The following TMEM232 variants were observed in gnomAD, a reference collection of about 807,000 sequenced individuals.
The protein encoded by TMEM232 is transmembrane protein 232.
Under a neutral mutation model 78.8 loss-of-function variants are expected in TMEM232, and 80 were observed. The ratio of observed to expected loss-of-function variants is 1.01; its 90% CI spans 0.85 to 1.22. The LOEUF (loss-of-function observed/expected upper bound fraction) is 1.22, where lower values mean the gene tolerates loss of function less well. Among genes scored for constraint, TMEM232 ranks in the 50% most tolerant of loss-of-function variants. TMEM232 has a pLI of 0.00. For synonymous variants in TMEM232, 297 were observed against 254.3 expected, an observed-to-expected ratio of 1.17 and a Z score of -1.60; for missense variants, 881 against 742.2, an observed-to-expected ratio of 1.19 and a Z score of -2.17.
chr5:110,391,225 G>A (rs1230882395), intron 3 of TMEM232, among the ~76,000 whole-genome samples: 1 of 151,462 alleles, frequency 6.6e-6, no homozygotes, highest in Non-Finnish European at 1.5e-5. Context: ...AGATAACTCT[G>A]TCAAACACTG....
intron 12 of TMEM232, among the ~76,000 whole-genome samples, chr5:110,467,319 T>C (rs1762190127): frequency 6.6e-6 from 1 of 152,172 alleles, no homozygotes; most frequent in African/African-American, 2.4e-5. Flanking sequence ...AAATCTAGGC[T>C]TTTCCCAGGT....
At chr5:110,618,011 AT>A (rs1307646734) in intron 8 of TMEM232, 8 of 170,232 alleles carry the variant, frequency 4.7e-5, no homozygotes, top group South Asian at 1.4e-4. Flanking sequence ...ACCAAAAAAA[AT>A]TTTTTTTTAA....
intron 12 of TMEM232, among the ~76,000 whole-genome samples, chr5:110,441,174 C>A (rs73220724): frequency 0.064 from 9,792 of 152,098 alleles, 659 homozygotes; most frequent in East Asian, 0.21. Context: ...TACTGCTTTG[C>A]TGTGGGGGTT....
At chr5:110,526,927 G>A (rs1296409534) in intron 12 of TMEM232, among the ~76,000 whole-genome samples, 1 of 151,806 alleles carries the variant, frequency 6.6e-6, no homozygotes, top group Non-Finnish European at 1.5e-5. Context: ...TATCTGAAAT[G>A]AGGCTAAATG....
chr5:110,531,437 C>G (rs1390336267), intron 11 of TMEM232, among the ~76,000 whole-genome samples: 1 of 152,156 alleles, frequency 6.6e-6, no homozygotes, highest in Non-Finnish European at 1.5e-5. Context: ...GTCCTCATAC[C>G]GACCAGCCCA....
intron 10 of TMEM232, among the ~76,000 whole-genome samples, chr5:110,587,559 T>C (rs7721004): frequency 0.39 from 58,707 of 151,130 alleles, 15,913 homozygotes; most frequent in African/African-American, 0.77. Context: ...CAGCCATACC[T>C]TACTCTTTCC....
chr5:110,603,344 G>A (rs73224387), intron 10 of TMEM232, among the ~76,000 whole-genome samples: 7,688 of 152,112 alleles, frequency 0.051, 684 homozygotes, highest in African/African-American at 0.18. Context: ...GGAAAAAAAT[G>A]TGAGTTTTGT....
At chr5:110,634,794 A>G (rs1452265448) in intron 5 of TMEM232, among the ~76,000 whole-genome samples, 2 of 152,094 alleles carry the variant, frequency 1.3e-5, no homozygotes, top group Non-Finnish European at 2.9e-5. Context: ...GAACTAGTAA[A>G]GCAAGGACAA....
intron 11 of TMEM232, among the ~76,000 whole-genome samples, chr5:110,564,834 C>G (rs1440743528): frequency 6.6e-6 from 1 of 151,976 alleles, no homozygotes; most frequent in East Asian, 1.9e-4. Flanking sequence ...AGAGAAAATA[C>G]CAACCCAATT....
chr5:110,651,030 A>G (rs1307867889), intron 2 of TMEM232, among the ~76,000 whole-genome samples: 1 of 152,158 alleles, frequency 6.6e-6, no homozygotes, highest in Non-Finnish European at 1.5e-5. Flanking sequence ...TCACTTCAAG[A>G]TACAGCTTAC....
chr5:110,470,625 C>A (rs1762566799), intron 12 of TMEM232, among the ~76,000 whole-genome samples: 1 of 152,204 alleles, frequency 6.6e-6, no homozygotes, highest in Non-Finnish European at 1.5e-5. Flanking sequence ...CTACAAACTC[C>A]TACAGCATAG....
chr5:110,630,127 A>G (rs1784932368), intron 5 of TMEM232, among the ~76,000 whole-genome samples: 1 of 152,216 alleles, frequency 6.6e-6, no homozygotes, highest in South Asian at 2.1e-4. Flanking sequence ...GACAATTAAA[A>G]TGGTTTCTTG....
chr5:110,405,896 A>G lies in TMEM232; in HGVS notation n.309-8042T>C, dbSNP rs539617910. On this transcript the variant is annotated intron_variant and non_coding_transcript_variant, in intron 2 of 8. Transcript: ENST00000507188. ...AAATTTATATTTTACAAATTTTATA[A>G]AAAATTATCAATACATTGATCCAAA... is the stretch of plus-strand genomic sequence containing the variant. 7.2e-5 allele frequency among the ~76,000 whole-genome samples: 11 copies of G among 152,072 alleles called. No individual in the cohort carries two copies. The South Asian group carries it at 2.3e-3, about 31-fold the overall frequency.
At chr5:110,645,007 T>C (rs1787282914) in intron 2 of TMEM232, among the ~76,000 whole-genome samples, 1 of 151,350 alleles carries the variant, frequency 6.6e-6, no homozygotes, top group Admixed American at 6.6e-5. Flanking sequence ...TCCTAGAAAT[T>C]TACAAGCTAC....
intron 8 of TMEM232, among the ~76,000 whole-genome samples, chr5:110,611,162 C>G (rs1304236474): frequency 1.3e-5 from 2 of 151,980 alleles, no homozygotes; most frequent in East Asian, 3.9e-4. Flanking sequence ...TATCAGAACT[C>G]AAGATTATAT....
At chr5:110,418,069 T>C (rs1301947439), downstream of TMEM232, 1 of 152,204 alleles carries the variant, frequency 6.6e-6, no homozygotes, top group Admixed American at 6.5e-5. Flanking sequence ...ATTTTAACAA[T>C]GCAAACCTCT....
chr5:110,526,810 C>T (rs1770668800), intron 12 of TMEM232, among the ~76,000 whole-genome samples: 1 of 151,518 alleles, frequency 6.6e-6, no homozygotes. Flanking sequence ...CAAAGGCCAA[C>T]CAATAGAAAA....
At chr5:110,657,795 T>C (rs184398912) in intron 2 of TMEM232, among the ~76,000 whole-genome samples, 35 of 152,260 alleles carry the variant, frequency 2.3e-4, no homozygotes, top group African/African-American at 8.2e-4. Flanking sequence ...GTGGTGGAGA[T>C]CTTTAAAACA....
intron 1 of TMEM232, among the ~76,000 whole-genome samples, chr5:110,721,524 T>C (rs1797604139): frequency 6.6e-6 from 1 of 151,084 alleles, no homozygotes; most frequent in South Asian, 2.1e-4. Flanking sequence ...AGAACTGTTG[T>C]TCTCAAGATA....
Sources: gnomAD v4.1 joint callset for allele counts (sites outside exome capture counted in the v4.1 genomes callset) on GRCh38, gnomAD v4.1.1 for gene constraint, MANE v1.5 for transcripts, NCBI Gene and HGNC (gene_info 2026-07-23, HGNC 2026-07-21) for gene names.